Variants in PLPPR1 observed in about 807,000 individuals in gnomAD.
PLPPR1 encodes phospholipid phosphatase-related protein type 1.
A neutral mutation model predicts 33.1 loss-of-function variants in PLPPR1; 10 were observed. The observed-to-expected ratio is 0.30, with a 90% confidence interval of 0.19 to 0.51. The LOEUF is 0.51. PLPPR1 is among the 20% of genes least tolerant of loss of function. PLPPR1 has a pLI of 0.97. For synonymous variants in PLPPR1, 151 were observed against 151.0 expected (o/e 1.00, Z 0.00); for missense variants, 304 against 408.1 (o/e 0.74, Z 2.20).
intron 2 of PLPPR1, among the ~76,000 whole-genome samples, chr9:101,215,560 C>T (rs1004325515): frequency 4.7e-4 from 71 of 152,164 alleles, no homozygotes; most frequent in African/African-American, 1.4e-3. Context: ...TGAGCCACCG[C>T]GCCCAGCTGG....
At chr9:101,290,268 T>C (rs938198712) in intron 4 of PLPPR1, among the ~76,000 whole-genome samples, 3 of 152,206 alleles carry the variant, frequency 2.0e-5, no homozygotes, top group Admixed American at 2.0e-4. Flanking sequence ...ACTACGCAAT[T>C]GACATTGGAA....
At chr9:101,120,195 C>A (rs978991691) in intron 1 of PLPPR1, among the ~76,000 whole-genome samples, 5 of 152,188 alleles carry the variant, frequency 3.3e-5, no homozygotes, top group Non-Finnish European at 5.9e-5. Context: ...AGACAGAAAT[C>A]TCTCACAATT....
intron 1 of PLPPR1, among the ~76,000 whole-genome samples, chr9:101,033,760 A>G (rs562471669): frequency 4.2e-4 from 64 of 152,284 alleles, no homozygotes; most frequent in African/African-American, 1.5e-3. Flanking sequence ...CCCACTTTAC[A>G]GCTGAAGCAG....
chr9:101,091,624 A>C (rs1420205367), intron 1 of PLPPR1, among the ~76,000 whole-genome samples: 1 of 152,154 alleles, frequency 6.6e-6, no homozygotes, highest in African/African-American at 2.4e-5. Context: ...GATAATCTCT[A>C]TATTTAAGGT....
intron 1 of PLPPR1, among the ~76,000 whole-genome samples, chr9:101,113,299 G>A (rs912929643): frequency 2.7e-5 from 4 of 150,192 alleles, no homozygotes; most frequent in Admixed American, 2.7e-4. Flanking sequence ...AAAACTAAAC[G>A]AAACAAAACA....
chr9:101,159,370 T>C (rs778235621), intron 1 of PLPPR1, among the ~76,000 whole-genome samples: 3 of 152,118 alleles, frequency 2.0e-5, no homozygotes, highest in Non-Finnish European at 4.4e-5. Context: ...CCCTTCTGAA[T>C]TTTTTTCTTT....
intron 3 of PLPPR1, among the ~76,000 whole-genome samples, chr9:101,284,914 C>G (rs1018639117): frequency 9.2e-5 from 14 of 152,154 alleles, no homozygotes; most frequent in African/African-American, 3.1e-4. Context: ...TTAGGAAAAT[C>G]AAAATGGCAT....
At chr9:101,064,802 T>C (rs903204773) in intron 1 of PLPPR1, among the ~76,000 whole-genome samples, 2 of 152,052 alleles carry the variant, frequency 1.3e-5, no homozygotes, top group African/African-American at 2.4e-5. Flanking sequence ...ATGGGGACTC[T>C]GCAGAGTTTT....
intron 1 of PLPPR1, among the ~76,000 whole-genome samples, chr9:101,054,849 T>C (rs966026264): frequency 1.3e-5 from 2 of 152,196 alleles, no homozygotes; most frequent in Non-Finnish European, 2.9e-5. Flanking sequence ...AGAATGGGAA[T>C]TGAGGAAGGC....
At chr9:101,137,767 G>A (rs534919156) in intron 1 of PLPPR1, among the ~76,000 whole-genome samples, 1 of 152,284 alleles carries the variant, frequency 6.6e-6, no homozygotes, top group Non-Finnish European at 1.5e-5. Flanking sequence ...CTCTGAAATA[G>A]TCATAATGTT....
chr9:101,275,802 C>G (rs924006518), intron 3 of PLPPR1, among the ~76,000 whole-genome samples: 2 of 152,140 alleles, frequency 1.3e-5, no homozygotes, highest in Non-Finnish European at 2.9e-5. Flanking sequence ...ATTGAAGTAG[C>G]AGAACATGAC....
intron 1 of PLPPR1, among the ~76,000 whole-genome samples, chr9:101,074,634 T>A (rs1043776660): frequency 6.6e-6 from 1 of 152,140 alleles, no homozygotes; most frequent in African/African-American, 2.4e-5. Context: ...CTGTTCTCTT[T>A]GGTTGCTATG....
At chr9:101,046,760 C>G (rs74631873) in intron 1 of PLPPR1, among the ~76,000 whole-genome samples, 2,095 of 152,200 alleles carry the variant, frequency 0.014, 54 homozygotes, top group African/African-American at 0.048. Context: ...TTTAGTGTTA[C>G]AAAACCCAGT....
intron 2 of PLPPR1, among the ~76,000 whole-genome samples, chr9:101,223,209 G>A (rs955179842): frequency 6.7e-6 from 1 of 150,318 alleles, no homozygotes; most frequent in African/African-American, 2.4e-5. Flanking sequence ...CATGGGATGA[G>A]CCTGTAGTGC....
intron 2 of PLPPR1, among the ~76,000 whole-genome samples, chr9:101,199,708 G>A (rs545319690): frequency 2.0e-5 from 3 of 152,180 alleles, no homozygotes; most frequent in Non-Finnish European, 2.9e-5. Context: ...ATCTATGCCT[G>A]AGATAGAGAT....
chr9:101,214,695 G>C (rs1826753701), intron 2 of PLPPR1, among the ~76,000 whole-genome samples: 2 of 152,146 alleles, frequency 1.3e-5, no homozygotes, highest in Admixed American at 6.5e-5. Flanking sequence ...ACATTGGAAA[G>C]AATCAACAAA....
chr9:101,229,677 A>AT (rs1188864471), intron 2 of PLPPR1, among the ~76,000 whole-genome samples: 3 of 152,134 alleles, frequency 2.0e-5, no homozygotes, highest in African/African-American at 7.2e-5. Flanking sequence ...GAAAACTTTC[A>AT]TCTTTGAGTT....
intron 6 of PLPPR1, among the ~76,000 whole-genome samples, chr9:101,315,257 C>A (rs1035840768): frequency 1.3e-5 from 2 of 152,192 alleles, no homozygotes; most frequent in Non-Finnish European, 2.9e-5. Flanking sequence ...CGCCTACTAC[C>A]ATTCCTGAGG....
chr9:101,054,802 C>T (rs776250288), intron 1 of PLPPR1, among the ~76,000 whole-genome samples: 19 of 152,174 alleles, frequency 1.2e-4, no homozygotes, highest in African/African-American at 4.1e-4. Context: ...AAAACCTCTC[C>T]GTGTGCATTT....
Sources: allele counts gnomAD v4.1 joint callset (sites outside exome capture counted in the v4.1 genomes callset), GRCh38; gene constraint gnomAD v4.1.1; transcripts MANE v1.5; gene names NCBI Gene and HGNC (gene_info 2026-07-23, HGNC 2026-07-21).